The following GLT1D1 variants were observed in gnomAD, a reference collection of about 807,000 sequenced individuals.
GLT1D1 encodes glycosyltransferase 1 domain containing 1.
Under a neutral mutation model 28.7 loss-of-function variants are expected in GLT1D1, and 21 were observed. The ratio of observed to expected loss-of-function variants is 0.73; its 90% CI spans 0.52 to 1.05. The LOEUF is 1.05. GLT1D1 is among the 50% of genes least tolerant of loss of function. The pLI is 0.00. For synonymous variants in GLT1D1, 147 were observed against 124.8 expected (o/e 1.18, Z -1.19); for missense variants, 343 against 330.6 (o/e 1.04, Z -0.29).
At chr12:128,940,167 T>C (rs1241093034) in intron 4 of GLT1D1, among the ~76,000 whole-genome samples, 1 of 152,180 alleles carries the variant, frequency 6.6e-6, no homozygotes, top group Admixed American at 6.5e-5. Context: ...GTGTCGTCTG[T>C]AGCTCTCATC....
intron 3 of GLT1D1, among the ~76,000 whole-genome samples, chr12:128,894,177 C>T (rs1223262724): frequency 3.9e-5 from 6 of 152,174 alleles, no homozygotes; most frequent in Non-Finnish European, 8.8e-5. Flanking sequence ...TGAAAGTGGG[C>T]CTTGGTGGGA....
intron 1 of GLT1D1, chr12:128,864,187 T>C: frequency 1.5e-6 from 1 of 680,790 alleles, no homozygotes; most frequent in South Asian, 1.5e-5. Flanking sequence ...ACTGTAAGTT[T>C]TTGTTGAATT....
At chr12:128,970,531 C>A (rs1036454381) in intron 7 of GLT1D1, among the ~76,000 whole-genome samples, 1 of 152,238 alleles carries the variant, frequency 6.6e-6, no homozygotes, top group African/African-American at 2.4e-5. Flanking sequence ...CAGCTGAGGA[C>A]CCTCTGGTGG....
intron 4 of GLT1D1, among the ~76,000 whole-genome samples, chr12:128,916,574 T>C (rs1158969473): frequency 1.3e-5 from 2 of 152,204 alleles, no homozygotes; most frequent in Non-Finnish European, 2.9e-5. Context: ...TGGTGTCTCA[T>C]TGTCATTCTT....
chr12:128,945,514 G>A, intron 5 of GLT1D1, 145 bp downstream of exon 9: 1 of 710,242 alleles, frequency 1.4e-6, no homozygotes, highest in South Asian at 1.6e-5. Context: ...GCGAGCCCGT[G>A]GCATCCTAGG....
At position 128,957,485 on chromosome 12, in the gene GLT1D1, C is replaced by G. The variant is rs1215853625; in HGVS notation, c.541-60C>G. On this transcript the variant is annotated intron_variant, in intron 6 of 7. Transcript: ENST00000281703. ...GTTATTCTGCCCCGCCCTGACTCAT[C>G]TTGCCGCAGAGGCTCTTGAAATGAC... The G allele has an allele frequency of 1.6e-5, 19 of 1,181,510 alleles. No homozygotes were observed. The East Asian group carries it at 4.5e-4, about 28-fold the overall frequency. The allele number at this position is 1,181,510 out of a possible 1,614,324, so 73.2% of individuals were successfully genotyped here.
rs565811715 is a variant in GLT1D1 at position 128,908,620 on chromosome 12, C to T, written c.375+9333C>T. Among the ~76,000 whole-genome samples the T allele has an allele frequency of 1.4e-4, 21 of 150,638 alleles. No individual in the cohort carries two copies. The East Asian group carries it at 2.7e-3, about 20-fold the overall frequency. On this transcript the variant is annotated intron_variant, in intron 4 of 7. Coordinates refer to ENST00000281703, the MANE Select transcript of GLT1D1 (RefSeq NM_144669.3). ...GTGCTGGGCTCTGTATGGTGGCTGG[C>T]GTTTCTGTGGGACACGGAGGGCAGC...
chr12:128,913,329 C>G (rs1252646262), intron 4 of GLT1D1, among the ~76,000 whole-genome samples: 1 of 152,196 alleles, frequency 6.6e-6, no homozygotes, highest in Admixed American at 6.5e-5. Flanking sequence ...AAGCAATTCT[C>G]CTGCCTCAGC....
intron 1 of GLT1D1, among the ~76,000 whole-genome samples, chr12:128,869,349 T>A (rs561313220): frequency 8.7e-4 from 132 of 152,242 alleles, no homozygotes; most frequent in Middle Eastern, 3.4e-3. Context: ...TTTGTATTTT[T>A]TGTGGAGACA....
intron 7 of GLT1D1, among the ~76,000 whole-genome samples, chr12:128,959,468 GCA>G (rs1877704844): frequency 4.4e-5 from 4 of 90,420 alleles, no homozygotes; most frequent in African/African-American, 1.2e-4. Flanking sequence ...TGGTGGGGGG[GCA>G]GCAAGGGAGT....
intron 4 of GLT1D1, among the ~76,000 whole-genome samples, chr12:128,936,156 C>CTTTT (rs34046835): frequency 3.6e-5 from 5 of 138,726 alleles, no homozygotes; most frequent in African/African-American, 8.0e-5. Context: ...AATAAAATAT[C>CTTTT]TTTTTTTTTT....
chr12:128,874,677 T>C (rs1356413418), intron 1 of GLT1D1, among the ~76,000 whole-genome samples: 1 of 151,862 alleles, frequency 6.6e-6, no homozygotes, highest in Non-Finnish European at 1.5e-5. Context: ...AGAGACAGGG[T>C]TTCACCATAT....
chr12:128,962,568 C>T (rs889360169), intron 7 of GLT1D1, among the ~76,000 whole-genome samples: 1 of 152,124 alleles, frequency 6.6e-6, no homozygotes, highest in Non-Finnish European at 1.5e-5. Flanking sequence ...GGTGAGGTGG[C>T]CTGGTCAGGT....
intron 1 of GLT1D1, among the ~76,000 whole-genome samples, chr12:128,860,248 G>A (rs1486793978): frequency 6.6e-6 from 1 of 152,228 alleles, no homozygotes; most frequent in Non-Finnish European, 1.5e-5. Flanking sequence ...ATCACCTGAG[G>A]TCAGGAGTTC....
In GLT1D1 at chr12:128,927,154, A is replaced by G. The variant is rs1260492782; in HGVS notation, c.376-18172A>G. On this transcript the variant is annotated intron_variant, in intron 4 of 7. Coordinates refer to ENST00000281703, the MANE Select transcript of GLT1D1 (RefSeq NM_144669.3). ...TGCACCTGGTGATTGTGGGTCCTGA[A>G]GTAAGTTGATGTGCAGTAAACACTT... 7 of 1,534,060 alleles carry G rather than the reference A, an allele frequency of 4.6e-6. No individual in the cohort carries two copies. In the African/African-American group the frequency reaches 9.6e-5, roughly 21 times the overall value.
At chr12:128,934,205 T>G (rs1452248882) in intron 4 of GLT1D1, among the ~76,000 whole-genome samples, 3 of 148,196 alleles carry the variant, frequency 2.0e-5, no homozygotes, top group Admixed American at 6.7e-5. Flanking sequence ...AGTCTTTTTT[T>G]TTTTTTTTTT....
At chr12:128,979,525 A>G (rs886768952) in intron 7 of GLT1D1, among the ~76,000 whole-genome samples, 3 of 152,152 alleles carry the variant, frequency 2.0e-5, no homozygotes, top group East Asian at 1.9e-4. Context: ...CTACATCTCA[A>G]TAAACCCACT....
At chr12:128,940,813 G>A (rs1875133595) in intron 4 of GLT1D1, among the ~76,000 whole-genome samples, 1 of 152,152 alleles carries the variant, frequency 6.6e-6, no homozygotes, top group Non-Finnish European at 1.5e-5. Context: ...GAATTCACAT[G>A]CCACGAAATT....
Position 128,945,375 on chromosome 12 carries a change from A to G in GLT1D1, c.419+6A>G. On this transcript the variant is annotated splice_donor_region_variant and intron_variant, in intron 5 of 7. Transcript: ENST00000281703. ...GTGAAAGCCAAAGTGAAAAGGTAAG[A>G]GTTGGTGGAGACCAGTCATTTTGCA... 6.2e-7 allele frequency: 1 copy of G among 1,612,292 alleles called. No homozygotes were observed. Among genetic ancestry groups the G allele is most frequent in the South Asian group, 1.1e-5 (1 of 91,048 alleles).
Sources: allele counts gnomAD v4.1 joint callset (sites outside exome capture counted in the v4.1 genomes callset), GRCh38; gene constraint gnomAD v4.1.1; transcripts MANE v1.5; gene names NCBI Gene and HGNC (gene_info 2026-07-23, HGNC 2026-07-21).